The following DNM1 variants were observed in gnomAD, a reference collection of about 807,000 sequenced individuals.
The protein encoded by DNM1 is dynamin 1, also known as dynamin-1.
DNM1 carries 29 observed loss-of-function variants against 104.6 expected under a neutral mutation model. The observed-to-expected ratio is 0.28, with a 90% confidence interval of 0.21 to 0.38. DNM1 has a LOEUF of 0.38. Among genes scored for constraint, DNM1 ranks in the 10% least tolerant of loss-of-function variants. The pLI is 1.00. For missense variants in DNM1, 640 were observed against 1,189.4 expected (o/e 0.54, Z 6.79); for synonymous variants, 445 against 475.8 (o/e 0.94, Z 0.84).
intron 10 of DNM1, among the ~76,000 whole-genome samples, chr9:128,228,756 G>A (rs1724852444): frequency 6.6e-6 from 1 of 152,196 alleles, no homozygotes; most frequent in Non-Finnish European, 1.5e-5. Context: ...AGGCTGAGGT[G>A]GGTGGATCAC....
chr9:128,205,721 G>A (rs188731034), intron 1 of DNM1, among the ~76,000 whole-genome samples: 2 of 152,264 alleles, frequency 1.3e-5, no homozygotes, highest in East Asian at 1.9e-4. Flanking sequence ...GTAAACATGC[G>A]GGAGGGGGCG....
intron 20 of DNM1, 136 bp downstream of exon 20, chr9:128,250,492 C>A (rs1829447013): frequency 9.1e-7 from 1 of 1,100,640 alleles, no homozygotes; most frequent in African/African-American, 1.6e-5. Flanking sequence ...TTAGAGAGGG[C>A]GGGGCTTGTC....
intron 11 of DNM1, among the ~76,000 whole-genome samples, chr9:128,237,010 A>G (rs2131240814): frequency 6.6e-6 from 1 of 152,328 alleles, no homozygotes; most frequent in Admixed American, 6.5e-5. Flanking sequence ...AGATAATTGT[A>G]ATATCTAACA....
intron 10 of DNM1, chr9:128,232,264 A>G (rs780516175): frequency 1.5e-5 from 5 of 334,368 alleles, no homozygotes; most frequent in Non-Finnish European, 3.0e-5. Flanking sequence ...ACCCAGTCCC[A>G]AATGTCTGCC....
At chr9:128,210,467 T>G (rs1009738344) in intron 1 of DNM1, among the ~76,000 whole-genome samples, 2 of 151,942 alleles carry the variant, frequency 1.3e-5, no homozygotes, top group African/African-American at 4.8e-5. Flanking sequence ...GTTCAAGCAA[T>G]TCTCCTACCT....
chr9:128,208,046 A>T (rs1265948713), intron 1 of DNM1, among the ~76,000 whole-genome samples: 1 of 75,344 alleles, frequency 1.3e-5, no homozygotes, highest in African/African-American at 5.4e-5. Context: ...CTTCCTCCCC[A>T]TTCTTTTTTT....
intron 10 of DNM1, among the ~76,000 whole-genome samples, chr9:128,229,527 G>A (rs964410325): frequency 2.7e-5 from 4 of 150,522 alleles, no homozygotes; most frequent in Non-Finnish European, 5.9e-5. Flanking sequence ...AGCCTGGAAG[G>A]TCGAGGCTGC....
chr9:128,244,507 C>T (rs1165010669), intron 15 of DNM1, among the ~76,000 whole-genome samples: 1 of 151,890 alleles, frequency 6.6e-6, no homozygotes, highest in African/African-American at 2.4e-5. Context: ...CGGCGGCTGC[C>T]CACATCCCCA....
At chr9:128,213,155 C>T (rs1034871731) in intron 1 of DNM1, among the ~76,000 whole-genome samples, 1 of 152,190 alleles carries the variant, frequency 6.6e-6, no homozygotes. Flanking sequence ...GATCTCAGCT[C>T]ACTGCAACCT....
chr9:128,246,827 T>G, intron 16 of DNM1: 1 of 385,986 alleles, frequency 2.6e-6, no homozygotes, highest in Non-Finnish European at 4.9e-6. Context: ...CCTTCCTCCC[T>G]TCCATAGTCA....
At chr9:128,211,374 C>A (rs1408123321) in intron 1 of DNM1, among the ~76,000 whole-genome samples, 4 of 152,102 alleles carry the variant, frequency 2.6e-5, no homozygotes, top group African/African-American at 4.8e-5. Flanking sequence ...TCCTGGTCTA[C>A]CTGAATATAT....
At chr9:128,205,128 T>C (rs1021251765) in intron 1 of DNM1, among the ~76,000 whole-genome samples, 2 of 152,090 alleles carry the variant, frequency 1.3e-5, no homozygotes, top group Non-Finnish European at 2.9e-5. Flanking sequence ...GAGCCCCCCT[T>C]CTGATCACAT....
In DNM1 at chr9:128,218,791, C is replaced by A; in HGVS notation, c.385+60C>A. 6.6e-7 allele frequency: 1 copy of A among 1,515,552 alleles called. No homozygotes were observed. The highest frequency in any genetic ancestry group is 2.0e-5 in the Admixed American group (1 of 49,852). 93.9% of individuals were successfully genotyped at this position (1,515,552 alleles called of 1,614,324 possible). On this transcript the variant is annotated intron_variant, in intron 3 of 21. Coordinates refer to ENST00000372923, the MANE Select transcript of DNM1 (RefSeq NM_004408.4). This position sits in a 1 kb window ranked among gnomAD's most constrained non-coding sequence, Gnocchi z 4.8. ...TCATTTTCTTGGCCACGCACCTCTG[C>A]GTGCCTCGCTCCTCCTGCAGACTCC...
At chr9:128,236,259 G>A (rs771150197) in intron 11 of DNM1, among the ~76,000 whole-genome samples, 2 of 152,158 alleles carry the variant, frequency 1.3e-5, no homozygotes, top group Non-Finnish European at 2.9e-5. Context: ...GGAGCTCGGA[G>A]GCTAGTCCTC....
At chr9:128,206,241 C>T (rs540771565) in intron 1 of DNM1, among the ~76,000 whole-genome samples, 1 of 152,250 alleles carries the variant, frequency 6.6e-6, no homozygotes, top group Admixed American at 6.5e-5. Flanking sequence ...TGCCCCAGGC[C>T]CACCCGGGCT....
At chr9:128,244,737 G>A (rs1241479763) in intron 15 of DNM1, 1 of 533,968 alleles carries the variant, frequency 1.9e-6, no homozygotes, top group Non-Finnish European at 3.9e-6. Context: ...GTCTAACCCA[G>A]CCCAGCCTAA....
chr9:128,219,820 T>A (rs1337528975), intron 4 of DNM1, among the ~76,000 whole-genome samples, 168 bp from the exon 5 acceptor site: 1 of 150,560 alleles, frequency 6.6e-6, no homozygotes. Context: ...ACAAGAAGAA[T>A]AAATAAAAAT....
Position 128,220,001 on chromosome 9 carries a change from CG to C in DNM1, c.607del (p.Val203SerfsTer7). The C allele has an allele frequency of 6.3e-7, 1 of 1,585,632 alleles. No homozygotes were observed. Among genetic ancestry groups the C allele is most frequent in the Non-Finnish European group, 8.6e-7 (1 of 1,165,400 alleles). On this transcript the variant is annotated frameshift_variant, in exon 5 of 22. Transcript: ENST00000372923. LOFTEE classifies it high-confidence loss of function. The surrounding 1 kb of genome is among the most constrained non-coding windows in gnomAD (Gnocchi z 5.2). ...EVDPQGQRTI[G>X]VITKLDLMDE... is the part of the protein sequence containing the mutation. The stretch of plus-strand genomic sequence containing the variant: ...TGGTGCACCCAGGCCAGCGCACCAT[CG>C]GGGTCATCACCAAGCTGGACCTGAT...
rs1588377159 is a variant in DNM1, at chr9:128,224,465, T to C, written c.1335+76T>C. On this transcript the variant is annotated intron_variant, in intron 10 of 21. Transcript: ENST00000372923. The surrounding 1 kb of genome is among the most constrained non-coding windows in gnomAD (Gnocchi z 4.3). ...TGCTGCCAGGCGCTCCTTCCCCATG[T>C]CCCCCCCTGCCTCCTCGGTAGCATG... 2.8e-6 allele frequency: 4 copies of C among 1,432,772 alleles called. No individual in the cohort carries two copies. Among genetic ancestry groups the C allele is most frequent in the Admixed American group, 1.9e-5 (1 of 52,546 alleles). The allele number at this position is 1,432,772 out of a possible 1,614,324, so 88.8% of individuals were successfully genotyped here. A position where few individuals can be genotyped will look rare whatever the true frequency, so the allele number is the denominator to read the frequency against.
Sources: allele counts gnomAD v4.1 joint callset (sites outside exome capture counted in the v4.1 genomes callset), GRCh38; gene constraint gnomAD v4.1.1; non-coding constraint Gnocchi (gnomAD v3.1); transcripts MANE v1.5; gene names NCBI Gene and HGNC (gene_info 2026-07-23, HGNC 2026-07-21).